CEP128: variants seen among roughly 807,000 people sequenced by gnomAD.
CEP128 encodes the protein centrosomal protein 128kDa.
CEP128 carries 132 observed loss-of-function variants against 156.7 expected under a neutral mutation model. The observed-to-expected ratio is 0.84, with a 90% CI of 0.73 to 0.97. The LOEUF (loss-of-function observed/expected upper bound fraction) is 0.97. Ranked by LOEUF, CEP128 falls within the 50% of genes least tolerant of loss-of-function variation. The pLI is 0.00. For synonymous variants in CEP128, 469 were observed against 448.9 expected (o/e 1.04, Z -0.57); for missense variants, 1,252 against 1,281.9 (o/e 0.98, Z 0.36).
chr14:80,762,921 CA>C (rs1313639207), intron 16 of CEP128, among the ~76,000 whole-genome samples: 1 of 152,166 alleles, frequency 6.6e-6, no homozygotes, highest in African/African-American at 2.4e-5. Flanking sequence ...GTACTTTCAG[CA>C]GCAGAGTAAC....
intron 19 of CEP128, among the ~76,000 whole-genome samples, chr14:80,598,912 A>C (rs187428566): frequency 8.5e-4 from 129 of 152,342 alleles, no homozygotes; most frequent in African/African-American, 2.9e-3. Flanking sequence ...TATAAAAAAT[A>C]TAAAAACATG....
At chr14:80,926,265 T>G (rs79860425) in intron 2 of CEP128, among the ~76,000 whole-genome samples, 7,238 of 152,142 alleles carry the variant, frequency 0.048, 576 homozygotes, top group African/African-American at 0.17. Context: ...ACTTATGGCT[T>G]GGGACAGTTT....
chr14:80,494,097 T>C (rs927379767), downstream of CEP128, among the ~76,000 whole-genome samples: 1 of 152,208 alleles, frequency 6.6e-6, no homozygotes, highest in Non-Finnish European at 1.5e-5. Flanking sequence ...TAGGGATAAG[T>C]TGATATGTTT....
At chr14:80,781,668 A>T (rs1328936653) in intron 15 of CEP128, among the ~76,000 whole-genome samples, 1 of 152,080 alleles carries the variant, frequency 6.6e-6, no homozygotes, top group Non-Finnish European at 1.5e-5. Context: ...TAGAGAAAGG[A>T]ACTAGAGGGA....
At chr14:80,893,518 A>AC (rs1213394123) in intron 8 of CEP128, among the ~76,000 whole-genome samples, 1 of 151,836 alleles carries the variant, frequency 6.6e-6, no homozygotes, top group African/African-American at 2.4e-5. Flanking sequence ...CAAAAAAAAA[A>AC]AATGGGTAAC....
chr14:80,887,575 A>G (rs931897311), intron 8 of CEP128, among the ~76,000 whole-genome samples: 20 of 152,196 alleles, frequency 1.3e-4, no homozygotes, highest in African/African-American at 3.9e-4. Context: ...GTTCTTTGAA[A>G]CCAATGAGAA....
chr14:80,647,049 A>G (rs1356939699), intron 19 of CEP128, among the ~76,000 whole-genome samples: 341 of 18,258 alleles, frequency 0.019, 31 homozygotes, highest in Admixed American at 0.05. Context: ...ATATATATAT[A>G]TATATATATA....
At chr14:80,528,683 T>C (rs921417624) in intron 22 of CEP128, among the ~76,000 whole-genome samples, 8 of 152,192 alleles carry the variant, frequency 5.3e-5, no homozygotes, top group African/African-American at 1.7e-4. Context: ...TTAAAAGTCA[T>C]AGGCTATGGT....
At chr14:80,877,230 G>A (rs1274238027) in intron 8 of CEP128, among the ~76,000 whole-genome samples, 2 of 150,738 alleles carry the variant, frequency 1.3e-5, no homozygotes, top group South Asian at 2.1e-4. Flanking sequence ...TAATAAAAAC[G>A]AAAAAAAACA....
At chr14:80,849,261 C>T (rs1476236220) in intron 9 of CEP128, among the ~76,000 whole-genome samples, 1 of 152,086 alleles carries the variant, frequency 6.6e-6, no homozygotes, top group East Asian at 1.9e-4. Context: ...AGATGAACCA[C>T]ACAAAAAGAG....
intron 16 of CEP128, among the ~76,000 whole-genome samples, chr14:80,776,858 C>T (rs964845168): frequency 2.6e-5 from 4 of 152,114 alleles, no homozygotes; most frequent in African/African-American, 9.7e-5. Context: ...TTTAAATATT[C>T]TGTTTCCTAT....
intron 19 of CEP128, among the ~76,000 whole-genome samples, chr14:80,648,941 T>G (rs2140838385): frequency 6.6e-6 from 1 of 152,156 alleles, no homozygotes; most frequent in African/African-American, 2.4e-5. Context: ...ATCAACTGGG[T>G]TTCCCTCACA....
chr14:80,920,458 C>A (rs1019713914), intron 2 of CEP128, among the ~76,000 whole-genome samples: 1 of 152,088 alleles, frequency 6.6e-6, no homozygotes, highest in African/African-American at 2.4e-5. Context: ...AAGCAATATG[C>A]GTCAATTATA....
At chr14:80,778,137 T>C in intron 15 of CEP128, 91 bp from the exon 16 acceptor site, 1 of 1,063,036 alleles carries the variant, frequency 9.4e-7, no homozygotes, top group Non-Finnish European at 1.4e-6. Context: ...GGAAAAACAC[T>C]GCAAGATTTC....
chr14:80,690,114 A>C (rs1896666659), intron 19 of CEP128, among the ~76,000 whole-genome samples: 1 of 152,038 alleles, frequency 6.6e-6, no homozygotes, highest in East Asian at 1.9e-4. Flanking sequence ...GTTACTCAAG[A>C]AGACAGTTTG....
At chr14:80,708,842 T>A (rs540721977) in intron 19 of CEP128, among the ~76,000 whole-genome samples, 1 of 152,208 alleles carries the variant, frequency 6.6e-6, no homozygotes, top group South Asian at 2.1e-4. Flanking sequence ...AGAATAGATC[T>A]AATTTTTATA....
chr14:80,890,081 C>T (rs1889019202), intron 8 of CEP128, among the ~76,000 whole-genome samples: 2 of 152,130 alleles, frequency 1.3e-5, no homozygotes, highest in Non-Finnish European at 2.9e-5. Flanking sequence ...AGTGAGATAC[C>T]ATCTCACGCC....
At chr14:80,599,748 C>CA (rs539245404) in intron 19 of CEP128, among the ~76,000 whole-genome samples, 1 of 151,498 alleles carries the variant, frequency 6.6e-6, no homozygotes, top group Non-Finnish European at 1.5e-5. Flanking sequence ...TAAATATGTA[C>CA]AAAAAAACCT....
At chr14:80,532,224 C>T (rs374409284) in intron 21 of CEP128, among the ~76,000 whole-genome samples, 14 of 152,118 alleles carry the variant, frequency 9.2e-5, no homozygotes, top group African/African-American at 3.1e-4. Context: ...GACAGGGTCT[C>T]GCTCTGTTGT....
Sources: gnomAD v4.1 joint callset for allele counts (sites outside exome capture counted in the v4.1 genomes callset) on GRCh38, gnomAD v4.1.1 for gene constraint, MANE v1.5 for transcripts, NCBI Gene and HGNC (gene_info 2026-07-23, HGNC 2026-07-21) for gene names.